Variants in ATP2B4 observed in about 807,000 individuals in gnomAD.
ATP2B4 encodes ATPase plasma membrane Ca2+ transporting 4.
A neutral mutation model predicts 110.3 loss-of-function variants in ATP2B4; 39 were observed. That is an observed-to-expected ratio of 0.35 (90% CI 0.27 to 0.46). The LOEUF is 0.46. Ranked by LOEUF, ATP2B4 falls within the 20% of genes least tolerant of loss-of-function variation. ATP2B4 has a pLI of 1.00. For missense variants in ATP2B4, 1,135 were observed against 1,530.9 expected (o/e 0.74, Z 4.32); for synonymous variants, 538 against 571.7 (o/e 0.94, Z 0.84).
At chr1:203,695,956 GTC>G (rs1226302337) in intron 2 of ATP2B4, among the ~76,000 whole-genome samples, 2 of 152,154 alleles carry the variant, frequency 1.3e-5, no homozygotes, top group South Asian at 4.2e-4. Flanking sequence ...TTGAGACAGA[GTC>G]TCTCTCTCGC....
At chr1:203,733,686 T>C in intron 20 of ATP2B4, 1 of 367,230 alleles carries the variant, frequency 2.7e-6, no homozygotes, top group South Asian at 6.1e-5. Context: ...TTCTTGAGTT[T>C]TGTTTTGTTT....
intron 1 of ATP2B4, among the ~76,000 whole-genome samples, chr1:203,669,926 T>A (rs1274678123): frequency 6.6e-6 from 1 of 152,098 alleles, no homozygotes; most frequent in Non-Finnish European, 1.5e-5. Flanking sequence ...CCACTTTCTC[T>A]CCCCTGAGAG....
chr1:203,678,624 G>A (rs34704391), intron 1 of ATP2B4, among the ~76,000 whole-genome samples: 6,145 of 152,094 alleles, frequency 0.04, 185 homozygotes, highest in Middle Eastern at 0.092. Context: ...GGCTGGTATC[G>A]AACTCCTGAG....
chr1:203,700,647 G>A (rs998942363), intron 5 of ATP2B4, 151 bp from the exon 6 acceptor site: 46 of 1,145,280 alleles, frequency 4.0e-5, no homozygotes, highest in Admixed American at 2.7e-4. Flanking sequence ...TTTTAAATGC[G>A]CCCAGCTCTT....
intron 2 of ATP2B4, among the ~76,000 whole-genome samples, chr1:203,697,498 T>C (rs1665566582): frequency 6.6e-6 from 1 of 152,226 alleles, no homozygotes; most frequent in Non-Finnish European, 1.5e-5. Flanking sequence ...ACTCAATCAG[T>C]AGCAGATAAG....
At chr1:203,734,897 AG>A (rs1268325587) in intron 20 of ATP2B4, among the ~76,000 whole-genome samples, 1 of 146,760 alleles carries the variant, frequency 6.8e-6, no homozygotes, top group Non-Finnish European at 1.5e-5. Flanking sequence ...CCAGCTACTC[AG>A]GATGCTGAGG....
chr1:203,691,676 G>A (rs1224964022), intron 2 of ATP2B4, among the ~76,000 whole-genome samples: 1 of 152,172 alleles, frequency 6.6e-6, no homozygotes, highest in Admixed American at 6.5e-5. Context: ...CTAGGAGCTG[G>A]AAGTCTAGCA....
chr1:203,662,092 G>C (rs1290976013), intron 1 of ATP2B4, among the ~76,000 whole-genome samples: 2 of 150,904 alleles, frequency 1.3e-5, no homozygotes, highest in East Asian at 1.9e-4. Context: ...GCAGTGGCAC[G>C]ATCTCACTGC....
intron 1 of ATP2B4, among the ~76,000 whole-genome samples, chr1:203,674,618 C>CAT (rs1415765513): frequency 3.0e-5 from 4 of 133,850 alleles, no homozygotes; most frequent in Admixed American, 8.0e-5. Context: ...GGATCACAGG[C>CAT]GTGCAACACC....
chr1:203,652,673 CATT>C (rs1664034673), intron 1 of ATP2B4, among the ~76,000 whole-genome samples: 1 of 151,960 alleles, frequency 6.6e-6, no homozygotes, highest in Non-Finnish European at 1.5e-5. Context: ...CAAAGTTTTT[CATT>C]ATTATTATAT....
intron 19 of ATP2B4, among the ~76,000 whole-genome samples, chr1:203,726,869 C>T (rs1336928888): frequency 3.9e-5 from 6 of 152,152 alleles, no homozygotes; most frequent in African/African-American, 4.8e-5. Context: ...TTTTGGTATC[C>T]TTTCACAAGA....
chr1:203,658,477 G>A (rs1664232803), intron 1 of ATP2B4, among the ~76,000 whole-genome samples: 1 of 151,484 alleles, frequency 6.6e-6, no homozygotes, highest in African/African-American at 2.4e-5. Flanking sequence ...TCCGCAGTGA[G>A]CTATGATGGC....
chr1:203,671,806 T>C (rs1664670791), intron 1 of ATP2B4, among the ~76,000 whole-genome samples: 1 of 152,298 alleles, frequency 6.6e-6, no homozygotes, highest in South Asian at 2.1e-4. Context: ...GAGAAAGGAT[T>C]GGATGAAAGT....
chr1:203,639,112 G>A (rs2102302969), intron 1 of ATP2B4, among the ~76,000 whole-genome samples: 1 of 152,272 alleles, frequency 6.6e-6, no homozygotes, highest in African/African-American at 2.4e-5. Flanking sequence ...CAGAGGAAGT[G>A]CAGAGGGGAA....
intron 15 of ATP2B4, among the ~76,000 whole-genome samples, chr1:203,717,580 A>C (rs989581209): frequency 1.1e-4 from 16 of 151,460 alleles, no homozygotes; most frequent in Non-Finnish European, 1.9e-4. Context: ...GAGATAGTCC[A>C]TTTCTCCAAG....
At chr1:203,689,293 G>A (rs144886094) in intron 2 of ATP2B4, among the ~76,000 whole-genome samples, 52 of 152,268 alleles carry the variant, frequency 3.4e-4, no homozygotes, top group South Asian at 1.5e-3. Flanking sequence ...TGGTCCTGGC[G>A]GCCTAGGTAG....
chr1:203,699,848 G>A lies in ATP2B4; in HGVS notation c.649+131G>A, dbSNP rs548275433. The A allele has an allele frequency of 2.3e-5, 34 of 1,451,168 alleles. No homozygotes were observed. The African/African-American group carries it at 3.8e-4, about 16-fold the overall frequency. 89.9% of individuals were successfully genotyped at this position (1,451,168 alleles called of 1,614,324 possible). On this transcript the variant is annotated intron_variant, in intron 4 of 20. Coordinates refer to ENST00000357681, the MANE Select transcript of ATP2B4 (RefSeq NM_001684.5). ...GATCCAAAATTGTATTCACTTCTAG[G>A]TTAGAGTTTAAAGAGGTTGTGGGAA...
At chr1:203,658,597 G>C (rs7523623) in intron 1 of ATP2B4, among the ~76,000 whole-genome samples, 12,862 of 152,144 alleles carry the variant, frequency 0.085, 926 homozygotes, top group East Asian at 0.27. Context: ...GGTAAACATG[G>C]AGTGAAATCT....
intron 20 of ATP2B4, 120 bp downstream of exon 20, chr1:203,727,691 T>G: frequency 8.1e-7 from 1 of 1,238,904 alleles, no homozygotes; most frequent in Non-Finnish European, 1.1e-6. Flanking sequence ...TCACTACTGA[T>G]GGGCAGCCCT....
Sources: gnomAD v4.1 joint callset for allele counts (sites outside exome capture counted in the v4.1 genomes callset) on GRCh38, gnomAD v4.1.1 for gene constraint, MANE v1.5 for transcripts, NCBI Gene and HGNC (gene_info 2026-07-23, HGNC 2026-07-21) for gene names.